Variants in PIP5K1B observed in about 807,000 individuals in gnomAD.
The protein encoded by PIP5K1B is phosphatidylinositol 4-phosphate 5-kinase type-1 beta.
A neutral mutation model predicts 67.0 loss-of-function variants in PIP5K1B; 42 were observed. That is an observed-to-expected ratio of 0.63 (90% CI 0.49 to 0.81). The LOEUF is 0.81. Among genes scored for constraint, PIP5K1B ranks in the 30% least tolerant of loss-of-function variants. The pLI is 0.00. For missense variants in PIP5K1B, 459 were observed against 646.3 expected, an observed-to-expected ratio of 0.71 and a Z score of 3.14; for synonymous variants, 214 against 231.4, an observed-to-expected ratio of 0.92 and a Z score of 0.68.
rs554016075 is a variant in PIP5K1B at position 68,758,293 on chromosome 9, G to A, written c.-86+15636G>A. Among the ~76,000 whole-genome samples, 8 of 152,184 alleles carry A rather than the reference G, an allele frequency of 5.3e-5. No homozygotes were observed. In the East Asian group the frequency reaches 9.7e-4, roughly 18 times the overall value. ...AAGACAATTGACAGAGGCCAATACT[G>A]AAATGGTAAAGATGTTGGAATTATC... On this transcript the variant is annotated intron_variant, in intron 2 of 15. Coordinates refer to ENST00000265382, the MANE Select transcript of PIP5K1B (RefSeq NM_003558.4).
intron 2 of PIP5K1B, among the ~76,000 whole-genome samples, chr9:68,803,922 A>C (rs1587476763): frequency 6.6e-6 from 1 of 152,206 alleles, no homozygotes; most frequent in Non-Finnish European, 1.5e-5. Context: ...CAAGGTATTC[A>C]GTGTCCGTGC....
At chr9:68,892,305 T>G (rs887057620) in intron 7 of PIP5K1B, among the ~76,000 whole-genome samples, 5 of 152,304 alleles carry the variant, frequency 3.3e-5, no homozygotes, top group African/African-American at 1.2e-4. Context: ...ACAGAAAGAT[T>G]GTAAGAATGG....
intron 14 of PIP5K1B, among the ~76,000 whole-genome samples, chr9:68,964,576 C>G (rs879888887): frequency 6.6e-6 from 1 of 152,208 alleles, no homozygotes; most frequent in Non-Finnish European, 1.5e-5. Flanking sequence ...CATGTCAGCT[C>G]AGGCTGAGAA....
intron 2 of PIP5K1B, among the ~76,000 whole-genome samples, chr9:68,794,432 G>A (rs1481587314): frequency 6.6e-6 from 1 of 150,490 alleles, no homozygotes; most frequent in African/African-American, 2.5e-5. Context: ...TCTTTCTTTG[G>A]CATTATTGTG....
chr9:68,913,688 T>C (rs1323848999), intron 8 of PIP5K1B, among the ~76,000 whole-genome samples: 1 of 152,180 alleles, frequency 6.6e-6, no homozygotes, highest in Non-Finnish European at 1.5e-5. Flanking sequence ...TTTCCACATA[T>C]GGGGATAGAA....
chr9:68,903,057 G>A (rs1825441968), intron 8 of PIP5K1B, among the ~76,000 whole-genome samples: 1 of 152,188 alleles, frequency 6.6e-6, no homozygotes, highest in East Asian at 1.9e-4. Context: ...ACTCCTGTGA[G>A]ACTTCATCTA....
At chr9:68,883,572 G>A (rs1326900088) in intron 6 of PIP5K1B, among the ~76,000 whole-genome samples, 5 of 152,058 alleles carry the variant, frequency 3.3e-5, no homozygotes, top group Non-Finnish European at 5.9e-5. Flanking sequence ...TTTTAATCAT[G>A]TTTCTGCTAG....
chr9:68,855,721 A>G (rs762110475), intron 4 of PIP5K1B, among the ~76,000 whole-genome samples: 6 of 152,162 alleles, frequency 3.9e-5, no homozygotes, highest in South Asian at 2.1e-4. Flanking sequence ...CAGTATCTCT[A>G]TATGAACCAC....
At chr9:68,826,140 A>G (rs1042443334) in intron 4 of PIP5K1B, among the ~76,000 whole-genome samples, 1 of 152,252 alleles carries the variant, frequency 6.6e-6, no homozygotes, top group Non-Finnish European at 1.5e-5. Flanking sequence ...GCTGCATAAA[A>G]CAAACAAGTT....
At chr9:69,001,516 A>G (rs1367081551) in intron 15 of PIP5K1B, among the ~76,000 whole-genome samples, 1 of 152,174 alleles carries the variant, frequency 6.6e-6, no homozygotes, top group Non-Finnish European at 1.5e-5. Flanking sequence ...TAATTAACTC[A>G]TAGTTCCACA....
intron 15 of PIP5K1B, among the ~76,000 whole-genome samples, chr9:69,002,335 A>C (rs1355962778): frequency 6.6e-6 from 1 of 152,212 alleles, no homozygotes; most frequent in Admixed American, 6.5e-5. Context: ...TTTTAAGTAC[A>C]AAGGTAGGAA....
chr9:68,838,042 G>A (rs4259475), intron 4 of PIP5K1B, among the ~76,000 whole-genome samples: 120,868 of 151,242 alleles, frequency 0.8, 48,305 homozygotes, highest in Admixed American at 0.85. Flanking sequence ...TGTAACTTAT[G>A]TGGGGTTTTT....
At chr9:68,920,598 C>T (rs1003778267) in intron 11 of PIP5K1B, among the ~76,000 whole-genome samples, 1 of 151,962 alleles carries the variant, frequency 6.6e-6, no homozygotes, top group Non-Finnish European at 1.5e-5. Context: ...GAACTCCTGA[C>T]CTCAGGTGAT....
rs113751433 is a variant in PIP5K1B at position 68,768,992 on chromosome 9, G to A, written c.-86+26335G>A. On this transcript the variant is annotated intron_variant, in intron 2 of 15. Transcript: ENST00000265382. Reference sequence around the variant, plus strand: ...TTTTAAAAATTAGCTAGTCGTAGTCGCCCTGTTGGGAAAAGCCACGGAAGC... The same window carrying A: ...TTTTAAAAATTAGCTAGTCGTAGTCACCCTGTTGGGAAAAGCCACGGAAGC... Among the ~76,000 whole-genome samples, 632 of 152,316 alleles carry A rather than the reference G, an allele frequency of 4.1e-3. 7 individuals are homozygous for A. The highest frequency in any genetic ancestry group is 0.014 in the African/African-American group (594 of 41,552).
Position 68,868,941 on chromosome 9 carries a change from T to A in PIP5K1B, c.200+4974T>A, listed in dbSNP as rs12348599. On this transcript the variant is annotated intron_variant, in intron 5 of 15. Coordinates refer to ENST00000265382, the MANE Select transcript of PIP5K1B (RefSeq NM_003558.4). ...TGGACAGCCAGGGAATACCCACCTTTTGGAAAAGAATTCCAAGAAACTACG... is the reference window on the plus strand; with the variant it reads ...TGGACAGCCAGGGAATACCCACCTTATGGAAAAGAATTCCAAGAAACTACG... 2.4e-3 allele frequency among the ~76,000 whole-genome samples: 368 copies of A among 152,326 alleles called. 3 individuals are homozygous for A. The highest frequency in any genetic ancestry group is 8.6e-3 in the African/African-American group (356 of 41,572).
At chr9:68,994,314 T>G in intron 15 of PIP5K1B, among the ~76,000 whole-genome samples, 1 of 152,130 alleles carries the variant, frequency 6.6e-6, no homozygotes, top group Non-Finnish European at 1.5e-5. Flanking sequence ...AGTGCTGGGA[T>G]TATAGGAGTG....
At chr9:68,860,394 T>C (rs956424876) in intron 4 of PIP5K1B, among the ~76,000 whole-genome samples, 1 of 152,184 alleles carries the variant, frequency 6.6e-6, no homozygotes, top group Non-Finnish European at 1.5e-5. Context: ...TTGTTAATAG[T>C]CCCCATGTTA....
intron 15 of PIP5K1B, among the ~76,000 whole-genome samples, chr9:69,005,294 T>G (rs1344220012): frequency 6.6e-6 from 1 of 152,214 alleles, no homozygotes; most frequent in African/African-American, 2.4e-5. Context: ...CATCAAGGTA[T>G]TAAATTCTTT....
chr9:68,959,215 T>A (rs570441459), intron 14 of PIP5K1B, among the ~76,000 whole-genome samples: 31 of 152,344 alleles, frequency 2.0e-4, no homozygotes, highest in Non-Finnish European at 3.8e-4. Context: ...TTAATTCCAC[T>A]ACCTTAATAC....
Sources: gnomAD v4.1 joint callset for allele counts (sites outside exome capture counted in the v4.1 genomes callset) on GRCh38, gnomAD v4.1.1 for gene constraint, MANE v1.5 for transcripts, NCBI Gene and HGNC (gene_info 2026-07-23, HGNC 2026-07-21) for gene names.